The following FANK1 variants were observed in gnomAD, a reference collection of about 807,000 sequenced individuals.
The protein encoded by FANK1 is fibronectin type III and ankyrin repeat domains 1.
Under a neutral mutation model 45.3 loss-of-function variants are expected in FANK1, and 44 were observed. The observed-to-expected ratio is 0.97, with a 90% CI of 0.76 to 1.25. The LOEUF is 1.25. FANK1 is among the 50% of genes most tolerant of loss of function. The probability of loss-of-function intolerance (pLI) is 0.00; values close to 1 mark genes in which losing one functional copy is unlikely to be tolerated. For synonymous variants in FANK1, 149 were observed against 152.5 expected, an observed-to-expected ratio of 0.98 and a Z score of 0.17; for missense variants, 391 against 424.4, an observed-to-expected ratio of 0.92 and a Z score of 0.69.
At position 126,009,264 on chromosome 10, in the gene FANK1, C is replaced by T. The variant is rs759308465; in HGVS notation, c.970C>T (p.Gln324Ter). ...AGAAATGGCCAGAGTTTTTGACAGACAGGTTGGGATGCTCTTTCTGCCTAT... is the reference window on the plus strand; with the variant it reads ...AGAAATGGCCAGAGTTTTTGACAGATAGGTTGGGATGCTCTTTCTGCCTAT... Reference protein sequence around the residue: ...VLEMARVFDRQSVVSLLEERK... With the variant: ...VLEMARVFDR Residue 324 changes from glutamine (Q) to a stop codon, truncating the protein, a stop_gained and splice_region_variant, in exon 10 of 11, where the codon CAG (glutamine) becomes TAG (stop). Coordinates refer to ENST00000368693, the MANE Select transcript of FANK1 (RefSeq NM_145235.5). LOFTEE classifies it high-confidence loss of function. 4 of 1,614,156 alleles carry T rather than the reference C, an allele frequency of 2.5e-6. No individual in the cohort carries two copies. Among genetic ancestry groups the T allele is most frequent in the Non-Finnish European group, 3.4e-6 (4 of 1,180,022 alleles).
At chr10:126,008,139 C>T (rs1008393024) in intron 7 of FANK1, among the ~76,000 whole-genome samples, 1 of 152,050 alleles carries the variant, frequency 6.6e-6, no homozygotes, top group Non-Finnish European at 1.5e-5. Flanking sequence ...TAAGAACTCC[C>T]CAGGGGCCAA....
intron 1 of FANK1, among the ~76,000 whole-genome samples, chr10:125,965,990 G>A (rs1476872561): frequency 6.6e-6 from 1 of 152,190 alleles, no homozygotes; most frequent in African/African-American, 2.4e-5. Flanking sequence ...CAGTAAATCT[G>A]AGAGGGAGGC....
intron 1 of FANK1, among the ~76,000 whole-genome samples, chr10:125,953,360 A>T (rs145411438): frequency 1.9e-4 from 29 of 152,210 alleles, no homozygotes; most frequent in South Asian, 1.2e-3. Context: ...CTGTCTAGGG[A>T]TTTCCAGACT....
chr10:125,947,485 T>G (rs1948892017), intron 1 of FANK1, among the ~76,000 whole-genome samples: 1 of 150,048 alleles, frequency 6.7e-6, no homozygotes, highest in Non-Finnish European at 1.5e-5. Flanking sequence ...TAAAACAGAC[T>G]TCAAACCAAC....
intron 3 of FANK1, chr10:125,989,526 C>T: frequency 1.3e-6 from 1 of 765,486 alleles, no homozygotes; most frequent in Non-Finnish European, 2.3e-6. Context: ...AAAGTTAACT[C>T]AGCTTTTGAG....
chr10:125,983,543 A>G lies in FANK1; in HGVS notation c.191+3205A>G, dbSNP rs1310701993. Among the ~76,000 whole-genome samples, 1 of 152,202 alleles carries G rather than the reference A, an allele frequency of 6.6e-6. No individual in the cohort carries two copies. The highest frequency in any genetic ancestry group is 2.4e-5 in the African/African-American group (1 of 41,442). Reference sequence around the variant, plus strand: ...GGGTAGAGGTGGGGAAGTCTTCACCAAGAAGGTAGCTTCTGAGTAGATCTG... The same window carrying G: ...GGGTAGAGGTGGGGAAGTCTTCACCGAGAAGGTAGCTTCTGAGTAGATCTG... On this transcript the variant is annotated intron_variant, in intron 2 of 10. Transcript: ENST00000368693. The surrounding 1 kb of genome is among the most constrained non-coding windows in gnomAD (Gnocchi z 4.3).
chr10:125,994,747 C>T (rs1284474255), intron 3 of FANK1: 10 of 985,250 alleles, frequency 1.0e-5, no homozygotes, highest in Non-Finnish European at 1.2e-5. Flanking sequence ...GCCCGCCTGC[C>T]TGTTGGCTTC....
chr10:125,961,150 A>G (rs1949902035), intron 1 of FANK1, among the ~76,000 whole-genome samples: 1 of 152,210 alleles, frequency 6.6e-6, no homozygotes, highest in Non-Finnish European at 1.5e-5. Context: ...TCCATCTCCC[A>G]GGCTGGAGTG....
chr10:125,949,604 G>GAA, intron 1 of FANK1, among the ~76,000 whole-genome samples: 1 of 143,828 alleles, frequency 7.0e-6, no homozygotes, highest in Non-Finnish European at 1.5e-5. Context: ...ACTGCTCAAG[G>GAA]AAATAAAAGA....
At chr10:125,932,804 C>T (rs1332700644) in intron 1 of FANK1, among the ~76,000 whole-genome samples, 6 of 152,168 alleles carry the variant, frequency 3.9e-5, no homozygotes, top group Non-Finnish European at 8.8e-5. Context: ...GGAGTGCTTT[C>T]AACTTTTCCC....
chr10:126,001,031 A>G (rs768990197), intron 6 of FANK1, among the ~76,000 whole-genome samples: 5 of 152,240 alleles, frequency 3.3e-5, no homozygotes, highest in Non-Finnish European at 5.9e-5. Context: ...TATAGTTGAT[A>G]GAAATGTGAA....
intron 1 of FANK1, among the ~76,000 whole-genome samples, chr10:125,951,614 C>T (rs913539667): frequency 6.6e-6 from 1 of 152,164 alleles, no homozygotes; most frequent in Non-Finnish European, 1.5e-5. Context: ...TTATTACCAA[C>T]ATTTTGTTGG....
At chr10:125,980,983 CTGT>C (rs1485573380) in intron 2 of FANK1, 1 of 151,742 alleles carries the variant, frequency 6.6e-6, no homozygotes, top group Non-Finnish European at 1.5e-5. Flanking sequence ...GCATTTAGCT[CTGT>C]TGGGCTTATT....
At chr10:125,984,616 C>T (rs767269853) in intron 2 of FANK1, among the ~76,000 whole-genome samples, 3 of 152,100 alleles carry the variant, frequency 2.0e-5, no homozygotes, top group Non-Finnish European at 4.4e-5. Flanking sequence ...GGGAAAGGGT[C>T]TGGGTTGGAG....
chr10:125,958,710 G>C (rs1206877770), intron 1 of FANK1, among the ~76,000 whole-genome samples: 1 of 152,108 alleles, frequency 6.6e-6, no homozygotes, highest in East Asian at 1.9e-4. Flanking sequence ...CTGTGATTTA[G>C]AGTTGCATTT....
intron 1 of FANK1, among the ~76,000 whole-genome samples, chr10:125,952,793 A>G (rs1048734610): frequency 7.5e-6 from 1 of 133,672 alleles, no homozygotes. Flanking sequence ...GCCCAGCAGG[A>G]AATACATACA....
intron 1 of FANK1, among the ~76,000 whole-genome samples, chr10:125,965,274 G>C (rs1438787964): frequency 6.6e-6 from 1 of 152,172 alleles, no homozygotes; most frequent in Non-Finnish European, 1.5e-5. Flanking sequence ...CTCCTGAATT[G>C]CTTGGTCATA....
intron 1 of FANK1, among the ~76,000 whole-genome samples, chr10:125,904,045 C>G (rs1365672625): frequency 1.3e-5 from 2 of 151,898 alleles, no homozygotes; most frequent in African/African-American, 4.8e-5. Context: ...TTTTTTTGAA[C>G]TGGAGTCTCT....
rs529656811 is a variant in FANK1 at position 125,959,319 on chromosome 10, C to T, written c.14-20842C>T. ...ATCACAGTTACTTGGGAGGCTGAGG[C>T]AGGGGAGTTGTTTGAACCCGGGAGG... is the stretch of plus-strand genomic sequence containing the variant. On this transcript the variant is annotated intron_variant, in intron 1 of 10. Transcript: ENST00000368693. Among the ~76,000 whole-genome samples the T allele has an allele frequency of 5.7e-5, 8 of 141,404 alleles. No homozygotes were observed. In the South Asian group the frequency reaches 1.8e-3, roughly 32 times the overall value. 92.8% of individuals were successfully genotyped at this position (141,404 alleles called of 152,430 possible).
Sources: allele counts gnomAD v4.1 joint callset (sites outside exome capture counted in the v4.1 genomes callset), GRCh38; gene constraint gnomAD v4.1.1; non-coding constraint Gnocchi (gnomAD v3.1); transcripts MANE v1.5; gene names NCBI Gene and HGNC (gene_info 2026-07-23, HGNC 2026-07-21).